Variants in COL7A1 observed in about 807,000 individuals in gnomAD.
The protein encoded by COL7A1 is collagen alpha-1(VII) chain.
In COL7A1, 296 loss-of-function variants were observed where a neutral mutation model predicts 456.2. The ratio of observed to expected loss-of-function variants is 0.65; its 90% confidence interval spans 0.59 to 0.71. The LOEUF (loss-of-function observed/expected upper bound fraction) is 0.71. Among genes scored for constraint, COL7A1 ranks in the 30% least tolerant of loss-of-function variants. The pLI is 0.00. For synonymous variants in COL7A1, 1,464 were observed against 1,525.9 expected (o/e 0.96, Z 0.95); for missense variants, 3,441 against 4,017.2 (o/e 0.86, Z 3.88).
At position 48,570,230 on chromosome 3, in the gene COL7A1, G is replaced by A. The variant is rs1271561718; in HGVS notation, c.7440+45C>T. 7 of 1,613,916 alleles carry A rather than the reference G, an allele frequency of 4.3e-6. No homozygotes were observed. The African/African-American group carries it at 9.3e-5, about 22-fold the overall frequency. ...CTCAGAGGTTGGAAATCAGAGGCAA[G>A]AGCTGGGATGAAGGGAGTTCGGCTG... On this transcript the variant is annotated intron_variant, in intron 98 of 118. Coordinates refer to ENST00000681320, the MANE Select transcript of COL7A1 (RefSeq NM_000094.4). This position sits in a 1 kb window ranked among gnomAD's most constrained non-coding sequence, Gnocchi z 5.5.
In COL7A1 at chr3:48,586,169, C is replaced by G. The variant is rs147391146; in HGVS notation, c.3628G>C (p.Val1210Leu). The change falls in exon 28 of 119, where the codon GTC becomes CTC. Residue 1210 changes from valine (V) to leucine (L), a missense_variant. Around this residue, in one of 3 missense-constraint regions of COL7A1, gnomAD observed 2,084 missense variants for 2,501.3 expected, o/e 0.83. Coordinates refer to ENST00000681320, the MANE Select transcript of COL7A1 (RefSeq NM_000094.4). This position sits in a 1 kb window ranked among gnomAD's most constrained non-coding sequence, Gnocchi z 5.1. ...LRRLAPGMDS[V>L]QTFFAVDDGP... is the part of the protein sequence containing the mutation. ...TCATCCACGGCGAAGAAGGTCTGGA[C>G]AGAGTCCATACCCGGCGCCAAGCGA... is the stretch of plus-strand genomic sequence containing the variant. 91 of 1,613,268 alleles carry G rather than the reference C, an allele frequency of 5.6e-5. No individual in the cohort carries two copies. The highest frequency in any genetic ancestry group is 7.1e-5 in the Non-Finnish European group (84 of 1,180,050).
At position 48,580,073 on chromosome 3, in the gene COL7A1, A is replaced by G. The variant is rs1284410447; in HGVS notation, c.5098-16T>C. The G allele has an allele frequency of 1.2e-6, 2 of 1,613,578 alleles. No individual in the cohort carries two copies. The highest frequency in any genetic ancestry group is 2.7e-5 in the African/African-American group (2 of 74,854). On this transcript the variant is annotated splice_polypyrimidine_tract_variant and intron_variant, in intron 56 of 118. Coordinates refer to ENST00000681320, the MANE Select transcript of COL7A1 (RefSeq NM_000094.4). This position sits in a 1 kb window ranked among gnomAD's most constrained non-coding sequence, Gnocchi z 4.5. The stretch of plus-strand genomic sequence containing the variant: ...CTGGGGGACCCTGGGAAAGGAAATG[A>G]TTATAGTCAATAGGAGCCCTCAGGT...
rs781720055 is a variant in COL7A1 at position 48,573,320 on chromosome 3, C to T, written c.6647G>A (p.Gly2216Glu). The T allele has an allele frequency of 3.7e-6, 6 of 1,614,010 alleles. No individual in the cohort carries two copies. The highest frequency in any genetic ancestry group is 5.1e-6 in the Non-Finnish European group (6 of 1,180,018). ...KGEPGETGPP[G>E]RGLTGPTGAV... ...CCTGTGAGCTAGGCCACTCACCCGT[C>T]CTGGAGGTCCTGTCTCTCCAGGCTC... is the stretch of plus-strand genomic sequence containing the variant. The change falls in exon 84 of 119, where the codon GGA becomes GAA. Residue 2216 changes from glycine (G) to glutamate (E), a missense_variant. By Grantham distance (98) the Gly-to-Glu change is moderately conservative. Around this residue, in one of 3 missense-constraint regions of COL7A1, gnomAD observed 2,084 missense variants for 2,501.3 expected, o/e 0.83. Coordinates refer to ENST00000681320, the MANE Select transcript of COL7A1 (RefSeq NM_000094.4). The surrounding 1 kb of genome is among the most constrained non-coding windows in gnomAD (Gnocchi z 5.5).
At position 48,565,324 on chromosome 3, in the gene COL7A1, G is replaced by A; in HGVS notation, c.8527+86C>T. On this transcript the variant is annotated intron_variant, in intron 116 of 118. Coordinates refer to ENST00000681320, the MANE Select transcript of COL7A1 (RefSeq NM_000094.4). The surrounding 1 kb of genome is among the most constrained non-coding windows in gnomAD (Gnocchi z 4.5). ...TGTGCCCTGCATGCAGACCCTACGT[G>A]CTTGGCGTGTGCCCTGCATTCATGG... 2 of 1,505,566 alleles carry A rather than the reference G, an allele frequency of 1.3e-6. No individual in the cohort carries two copies. The highest frequency in any genetic ancestry group is 1.2e-5 in the South Asian group (1 of 84,946). The allele number at this position is 1,505,566 out of a possible 1,614,324, so 93.3% of individuals were successfully genotyped here. A position where few individuals can be genotyped will look rare whatever the true frequency, so the allele number is the denominator to read the frequency against.
Position 48,580,892 on chromosome 3 carries a change from C to A in COL7A1, c.4970G>T (p.Arg1657Leu). 1.2e-6 allele frequency: 2 copies of A among 1,614,098 alleles called. No individual in the cohort carries two copies. The highest frequency in any genetic ancestry group is 1.7e-6 in the Non-Finnish European group (2 of 1,180,032). The change falls in exon 54 of 119, where the codon CGT becomes CTT. Residue 1657 changes from arginine (R) to leucine (L), a missense_variant. Arg to Leu is a moderately radical substitution (Grantham distance 102). This residue lies in a region of COL7A1 where 2,084 missense variants were observed against 2,501.3 expected (regional missense o/e 0.83). Transcript: ENST00000681320. This position sits in a 1 kb window ranked among gnomAD's most constrained non-coding sequence, Gnocchi z 4.5. ...TCTGCCAAGACTCACCCGAAGGCCA[C>A]GCTCGCCTGCTTTTCCAGGCAAACC... Reference protein sequence around the residue: ...DPGLPGKAGERGLRGAPGVRG... With the variant: ...DPGLPGKAGELGLRGAPGVRG...
chr3:48,564,292 C>T lies in COL7A1; in HGVS notation c.*114G>A. The T allele has an allele frequency of 1.5e-6, 2 of 1,291,682 alleles. No individual in the cohort carries two copies. Among genetic ancestry groups the T allele is most frequent in the Non-Finnish European group, 2.2e-6 (2 of 893,954 alleles). The allele number at this position is 1,291,682 out of a possible 1,614,324, so 80.0% of individuals were successfully genotyped here. On this transcript the variant is annotated 3_prime_UTR_variant, in exon 119 of 119. Coordinates refer to ENST00000681320, the MANE Select transcript of COL7A1 (RefSeq NM_000094.4). The surrounding 1 kb of genome is among the most constrained non-coding windows in gnomAD (Gnocchi z 6.0). Reference sequence around the variant, plus strand: ...CCAAGTCACTGAAATAACGGACGTGCACACGCACGCTCACGTGCACACAAG... The same window carrying T: ...CCAAGTCACTGAAATAACGGACGTGTACACGCACGCTCACGTGCACACAAG...
chr3:48,565,258 G>A lies in COL7A1; in HGVS notation c.8528-57C>T, dbSNP rs1467528780. 34 of 1,550,534 alleles carry A rather than the reference G, an allele frequency of 2.2e-5. No homozygotes were observed. Among genetic ancestry groups the A allele is most frequent in the East Asian group, 6.8e-5 (3 of 43,838 alleles). On this transcript the variant is annotated intron_variant, in intron 116 of 118. Transcript: ENST00000681320. The surrounding 1 kb of genome is among the most constrained non-coding windows in gnomAD (Gnocchi z 4.5). Reference sequence around the variant, plus strand: ...TGGCTGCTGGCCCCGGGGCAAGGTGGGCAGCACTGATTTCCACTGTGTGCA... The same window carrying A: ...TGGCTGCTGGCCCCGGGGCAAGGTGAGCAGCACTGATTTCCACTGTGTGCA...
At position 48,575,727 on chromosome 3, in the gene COL7A1, C is replaced by T. The variant is rs757528046; in HGVS notation, c.5878G>A (p.Val1960Met). The change falls in exon 73 of 119, where the codon GTG becomes ATG. Residue 1960 changes from valine to methionine, a missense_variant. Around this residue, in one of 3 missense-constraint regions of COL7A1, gnomAD observed 2,084 missense variants for 2,501.3 expected, o/e 0.83. Coordinates refer to ENST00000681320, the MANE Select transcript of COL7A1 (RefSeq NM_000094.4). The surrounding 1 kb of genome is among the most constrained non-coding windows in gnomAD (Gnocchi z 6.3). Reference sequence around the variant, plus strand: ...CCAGAGCTCTCATCCCAGGTCTCCACGATCTCCCGCAGGGCAGATGCCTGA... The same window carrying T: ...CCAGAGCTCTCATCCCAGGTCTCCATGATCTCCCGCAGGGCAGATGCCTGA... ...GIKASALREI[V>M]ETWDESSGSF... 5.6e-6 allele frequency: 9 copies of T among 1,613,840 alleles called. No homozygotes were observed. In the African/African-American group the frequency reaches 8.0e-5, roughly 14 times the overall value.
rs1445907295 is a variant in COL7A1 at position 48,591,266 on chromosome 3, T to C, written c.1636+198A>G. 2.0e-5 allele frequency among the ~76,000 whole-genome samples: 3 copies of C among 151,372 alleles called. No homozygotes were observed. The highest frequency in any genetic ancestry group is 4.4e-5 in the Non-Finnish European group (3 of 67,822). On this transcript the variant is annotated intron_variant, in intron 13 of 118. Coordinates refer to ENST00000681320, the MANE Select transcript of COL7A1 (RefSeq NM_000094.4). The surrounding 1 kb of genome is among the most constrained non-coding windows in gnomAD (Gnocchi z 7.0). ...ATGGGGTGTGGGGCAGGGAGGAGAT[T>C]GGTTGGGGTAGGGTAGGGGCAGACA...
At position 48,570,459 on chromosome 3, in the gene COL7A1, A is replaced by G. The variant is rs1472003001; in HGVS notation, c.7380+6T>C. The G allele has an allele frequency of 6.2e-7, 1 of 1,613,960 alleles. No homozygotes were observed. The highest frequency in any genetic ancestry group is 1.7e-5 in the Admixed American group (1 of 60,010). ...AGAGAGAGTCAGCAGCACTTGTCCC[A>G]CCTACCTTGTCTCCTTTGAGTCCAG... is the stretch of plus-strand genomic sequence containing the variant. On this transcript the variant is annotated splice_donor_region_variant and intron_variant, in intron 97 of 118. Coordinates refer to ENST00000681320, the MANE Select transcript of COL7A1 (RefSeq NM_000094.4). The surrounding 1 kb of genome is among the most constrained non-coding windows in gnomAD (Gnocchi z 5.5).
At position 48,594,503 on chromosome 3, in the gene COL7A1, T is replaced by C; in HGVS notation, c.131A>G (p.Asp44Gly). ...GCTGCGGCCAATGGATGAGGAGCCA[T>C]CCAGTAAGAACACAATGTCAGCGGC... ...LYAADIVFLL[D>G]GSSSIGRSNF... The change falls in exon 3 of 119, where the codon GAT (aspartate) becomes GGT (glycine). Residue 44 changes from aspartate to glycine, a missense_variant. By Grantham distance (94) the Asp-to-Gly change is moderately conservative. This residue lies in a region of COL7A1 where 913 missense variants were observed against 1,088.2 expected (regional missense o/e 0.84). Coordinates refer to ENST00000681320, the MANE Select transcript of COL7A1 (RefSeq NM_000094.4). This position sits in a 1 kb window ranked among gnomAD's most constrained non-coding sequence, Gnocchi z 5.5. The C allele has an allele frequency of 1.2e-6, 2 of 1,611,978 alleles. No homozygotes were observed. The highest frequency in any genetic ancestry group is 1.7e-6 in the Non-Finnish European group (2 of 1,179,930).
rs763602386 is a variant in COL7A1, at chr3:48,570,830, A to G, written c.7272+31T>C. 2 of 1,588,806 alleles carry G rather than the reference A, an allele frequency of 1.3e-6. No homozygotes were observed. The highest frequency in any genetic ancestry group is 2.3e-5 in the South Asian group (2 of 87,714). ...CCTCCTCACCCACCATGGATTCACC[A>G]TGCCCCTACATGCTGTTCCCAGCCC... On this transcript the variant is annotated intron_variant, in intron 95 of 118. Coordinates refer to ENST00000681320, the MANE Select transcript of COL7A1 (RefSeq NM_000094.4). The surrounding 1 kb of genome is among the most constrained non-coding windows in gnomAD (Gnocchi z 5.5).
In COL7A1 at chr3:48,567,675, C is replaced by T. The variant is rs912218870; in HGVS notation, c.7983+35G>A. The T allele has an allele frequency of 9.9e-6, 16 of 1,614,104 alleles. No homozygotes were observed. Among genetic ancestry groups the T allele is most frequent in the African/African-American group, 1.3e-5 (1 of 75,018 alleles). ...GACATGAACTTGGCCCCCGTCCACC[C>T]GTGGCCCCCTCATTCTGAGCGTGCC... On this transcript the variant is annotated intron_variant, in intron 108 of 118. Coordinates refer to ENST00000681320, the MANE Select transcript of COL7A1 (RefSeq NM_000094.4). The surrounding 1 kb of genome is among the most constrained non-coding windows in gnomAD (Gnocchi z 4.3).
At position 48,585,566 on chromosome 3, in the gene COL7A1, C is replaced by G; in HGVS notation, c.3885G>C (p.Lys1295Asn). The G allele has an allele frequency of 6.2e-7, 1 of 1,613,960 alleles. No individual in the cohort carries two copies. Among genetic ancestry groups the G allele is most frequent in the Non-Finnish European group, 8.5e-7 (1 of 1,180,020 alleles). The change falls in exon 32 of 119, where the codon AAG becomes AAC. Residue 1295 changes from lysine to asparagine, a missense_variant. By Grantham distance (94) the Lys-to-Asn change is moderately conservative (BLOSUM62 0). This residue lies in a region of COL7A1 where 2,084 missense variants were observed against 2,501.3 expected (regional missense o/e 0.83). Coordinates refer to ENST00000681320, the MANE Select transcript of COL7A1 (RefSeq NM_000094.4). The surrounding 1 kb of genome is among the most constrained non-coding windows in gnomAD (Gnocchi z 4.5). ...PQGPPGSATA[K>N]GERGFPGADG... The stretch of plus-strand genomic sequence containing the variant: ...TGGTCTCCACACTCACCCTCTCGCC[C>G]TTGGCAGTGGCACTTCCAGGGGGCC...
Position 48,586,874 on chromosome 3 carries a change from T to C in COL7A1, c.3276+98A>G. The stretch of plus-strand genomic sequence containing the variant: ...GGAGCCTGTGAGAGAGCTGGGAGAA[T>C]GCCTGAACCTATTGGGTGGTCAGGA... On this transcript the variant is annotated intron_variant, in intron 25 of 118. Coordinates refer to ENST00000681320, the MANE Select transcript of COL7A1 (RefSeq NM_000094.4). This position sits in a 1 kb window ranked among gnomAD's most constrained non-coding sequence, Gnocchi z 5.1. The C allele has an allele frequency of 1.3e-6, 2 of 1,535,686 alleles. No individual in the cohort carries two copies. Among genetic ancestry groups the C allele is most frequent in the South Asian group, 2.4e-5 (2 of 83,428 alleles).
In COL7A1 at chr3:48,585,340, T is replaced by C. The variant is rs2045163431; in HGVS notation, c.3894+217A>G. On this transcript the variant is annotated intron_variant, in intron 32 of 118. Coordinates refer to ENST00000681320, the MANE Select transcript of COL7A1 (RefSeq NM_000094.4). This position sits in a 1 kb window ranked among gnomAD's most constrained non-coding sequence, Gnocchi z 4.5. ...CAGAGGGCTTCCCTGCCTCTGGGAC[T>C]TGGAGCTGCTGCTCAGGCTCTGCAG... Among the ~76,000 whole-genome samples the C allele has an allele frequency of 1.3e-5, 2 of 152,192 alleles. No homozygotes were observed. The highest frequency in any genetic ancestry group is 4.8e-5 in the African/African-American group (2 of 41,434).
chr3:48,586,068 C>T lies in COL7A1; in HGVS notation c.3723+6G>A. On this transcript the variant is annotated splice_donor_region_variant and intron_variant, in intron 28 of 118. Transcript: ENST00000681320. The surrounding 1 kb of genome is among the most constrained non-coding windows in gnomAD (Gnocchi z 5.1). ...CCACCCAGTCCCCCAGAGGCCTCTT[C>T]CAAACCTGAGTAGTGAAGGATGCCT... 6.2e-7 allele frequency: 1 copy of T among 1,613,600 alleles called. No homozygotes were observed. Among genetic ancestry groups the T allele is most frequent in the Non-Finnish European group, 8.5e-7 (1 of 1,180,036 alleles).
chr3:48,568,902 T>TG lies in COL7A1; in HGVS notation c.7687-48dup. On this transcript the variant is annotated intron_variant, in intron 103 of 118. Transcript: ENST00000681320. This position sits in a 1 kb window ranked among gnomAD's most constrained non-coding sequence, Gnocchi z 5.2. ...GGATTCAGTCAGGACCAGATCAGGC[T>TG]GGGGGCTTAGAATACAACGAGCCCG... The TG allele has an allele frequency of 6.5e-7, 1 of 1,541,370 alleles. No individual in the cohort carries two copies.
At position 48,571,866 on chromosome 3, in the gene COL7A1, G is replaced by A. The variant is rs1203701274; in HGVS notation, c.7068+135C>T. On this transcript the variant is annotated intron_variant, in intron 92 of 118. Coordinates refer to ENST00000681320, the MANE Select transcript of COL7A1 (RefSeq NM_000094.4). This position sits in a 1 kb window ranked among gnomAD's most constrained non-coding sequence, Gnocchi z 4.6. ...AGTGTGTGGCTCCCTGTGATCCAGA[G>A]AGCAGGCTCCTGGATGTTGGGACAT... The A allele has an allele frequency of 3.7e-6, 4 of 1,087,618 alleles. No individual in the cohort carries two copies. The highest frequency in any genetic ancestry group is 4.1e-5 in the Admixed American group (2 of 48,966). The allele number at this position is 1,087,618 out of a possible 1,614,324, so 67.4% of individuals were successfully genotyped here.
Sources: allele counts gnomAD v4.1 joint callset (sites outside exome capture counted in the v4.1 genomes callset), GRCh38; gene constraint gnomAD v4.1.1; regional missense constraint gnomAD v4.1.1; non-coding constraint Gnocchi (gnomAD v3.1); transcripts MANE v1.5; gene names NCBI Gene and HGNC (gene_info 2026-07-23, HGNC 2026-07-21).